MTMR7: variants seen among roughly 807,000 people sequenced by gnomAD.
The protein encoded by MTMR7 is myotubularin related protein 7.
Under a neutral mutation model 81.2 loss-of-function variants are expected in MTMR7, and 76 were observed. The observed-to-expected ratio is 0.94, with a 90% CI of 0.78 to 1.13. MTMR7 has a LOEUF of 1.13. MTMR7 is among the 50% of genes most tolerant of loss of function. The pLI, the probability that MTMR7 is intolerant of heterozygous loss-of-function variation, is 0.00. For missense variants in MTMR7, 1,044 were observed against 820.0 expected (o/e 1.27, Z -3.34); for synonymous variants, 372 against 289.8 (o/e 1.28, Z -2.88).
At chr8:17,363,433 A>T (rs533177443) in intron 3 of MTMR7, among the ~76,000 whole-genome samples, 1 of 152,334 alleles carries the variant, frequency 6.6e-6, no homozygotes, top group South Asian at 2.1e-4. Flanking sequence ...AAAACATCCT[A>T]TGACTACTGA....
intron 6 of MTMR7, among the ~76,000 whole-genome samples, chr8:17,338,359 A>T (rs533129189): frequency 2.0e-5 from 3 of 152,282 alleles, no homozygotes; most frequent in Non-Finnish European, 2.9e-5. Context: ...AACACAGTAC[A>T]TATCTGGATC....
At chr8:17,366,044 T>G (rs1820214605) in intron 3 of MTMR7, among the ~76,000 whole-genome samples, 1 of 152,200 alleles carries the variant, frequency 6.6e-6, no homozygotes, top group Admixed American at 6.5e-5. Context: ...CAGTCTCTAT[T>G]GCTCTCCTCG....
chr8:17,371,625 A>T (rs1349321932), intron 2 of MTMR7, among the ~76,000 whole-genome samples: 1 of 152,164 alleles, frequency 6.6e-6, no homozygotes, highest in Non-Finnish European at 1.5e-5. Context: ...TTCCACATGG[A>T]ATGTTCGAGT....
intron 3 of MTMR7, among the ~76,000 whole-genome samples, chr8:17,367,872 T>G (rs1000305801): frequency 1.2e-4 from 18 of 151,948 alleles, no homozygotes; most frequent in Admixed American, 3.3e-4. Flanking sequence ...TTTGGGGTTT[T>G]TTTTTTTTTT....
chr8:17,314,721 T>C (rs1817973345), intron 7 of MTMR7, among the ~76,000 whole-genome samples: 1 of 152,104 alleles, frequency 6.6e-6, no homozygotes, highest in Non-Finnish European at 1.5e-5. Flanking sequence ...GAAAAACATA[T>C]TATGAATATG....
At position 17,331,143 on chromosome 8, in the gene MTMR7, G is replaced by A; in HGVS notation, c.865+7C>T. On this transcript the variant is annotated splice_region_variant and intron_variant, in intron 7 of 13. Transcript: ENST00000180173. ...ATTTTAATGCTGTGCATAAGGAAAT[G>A]GTTTACCTTCCAGCATTTTCTGCAG... The A allele has an allele frequency of 1.2e-6, 2 of 1,609,234 alleles. No individual in the cohort carries two copies. Among genetic ancestry groups the A allele is most frequent in the Non-Finnish European group, 8.5e-7 (1 of 1,178,576 alleles).
intron 6 of MTMR7, among the ~76,000 whole-genome samples, chr8:17,332,818 A>G (rs762005764): frequency 6.6e-6 from 1 of 152,202 alleles, no homozygotes; most frequent in Non-Finnish European, 1.5e-5. Flanking sequence ...AAACCAACTT[A>G]TAGATATGTA....
At chr8:17,363,087 G>A (rs570665357) in intron 3 of MTMR7, among the ~76,000 whole-genome samples, 9 of 152,326 alleles carry the variant, frequency 5.9e-5, no homozygotes, top group South Asian at 2.1e-4. Context: ...ACATCCAGGC[G>A]TGCTCACACA....
rs1314773087 is a variant in MTMR7 at position 17,331,177 on chromosome 8, T to A, written c.838A>T (p.Arg280Trp). Residue 280 changes from arginine (R) to tryptophan (W), a missense_variant, in exon 7 of 14, where the codon AGG (arginine) becomes TGG (tryptophan). By Grantham distance (101) the Arg-to-Trp change is moderately radical (BLOSUM62 -3). Transcript: ENST00000180173. ...TCCAGCATTTTCTGCAGACTGTTCC[T>A]CATGACATGGATGTTCTCTATCCCG... ...FIGIENIHVM[R>W]NSLQKMLEVC... 6.2e-7 allele frequency: 1 copy of A among 1,612,530 alleles called. No individual in the cohort carries two copies. The highest frequency in any genetic ancestry group is 8.5e-7 in the Non-Finnish European group (1 of 1,179,570).
chr8:17,382,075 T>C (rs1020362342), intron 1 of MTMR7, among the ~76,000 whole-genome samples: 2 of 152,192 alleles, frequency 1.3e-5, no homozygotes, highest in African/African-American at 2.4e-5. Context: ...ATGCATACAA[T>C]AATGACTCAA....
chr8:17,327,655 A>G (rs1818758365), intron 7 of MTMR7, among the ~76,000 whole-genome samples: 1 of 151,994 alleles, frequency 6.6e-6, no homozygotes, highest in Non-Finnish European at 1.5e-5. Context: ...AAAAAAAACT[A>G]TCTCTAAACC....
chr8:17,412,980 A>T (rs1821776403), intron 1 of MTMR7, among the ~76,000 whole-genome samples: 1 of 152,222 alleles, frequency 6.6e-6, no homozygotes, highest in African/African-American at 2.4e-5. Flanking sequence ...ACACCCAGTT[A>T]CTAGCAGACA....
chr8:17,341,344 T>A lies in MTMR7; in HGVS notation c.732+19A>T. On this transcript the variant is annotated intron_variant, in intron 6 of 13. Transcript: ENST00000180173. The stretch of plus-strand genomic sequence containing the variant: ...CACAACTCAGGTGCAAAGACATGCA[T>A]CGCAACGGTGACACTTACTTTAGGC... 1.9e-6 allele frequency: 3 copies of A among 1,613,516 alleles called. No individual in the cohort carries two copies. Among genetic ancestry groups the A allele is most frequent in the Non-Finnish European group, 1.7e-6 (2 of 1,179,564 alleles).
At chr8:17,413,145 C>A in intron 1 of MTMR7, 124 bp downstream of exon 1, 2 of 1,144,840 alleles carry the variant, frequency 1.7e-6, no homozygotes, top group Admixed American at 2.0e-5. Flanking sequence ...CTGCTCCTCC[C>A]TCGCCCGCGG....
chr8:17,297,129 A>G lies in MTMR7; in HGVS notation c.*2733T>C, dbSNP rs751094339. ...CCACAGGAAAAATGAAATGCATGTG[A>G]AAGTTTGTATTCTGATTTTACAAGA... On this transcript the variant is annotated 3_prime_UTR_variant, in exon 14 of 14. Transcript: ENST00000180173. 1 of 152,186 alleles carries G rather than the reference A, an allele frequency of 6.6e-6. No individual in the cohort carries two copies. The highest frequency in any genetic ancestry group is 2.4e-5 in the African/African-American group (1 of 41,440). The allele number at this position is 152,186 out of a possible 1,614,324, so 9.4% of individuals were successfully genotyped here.
chr8:17,364,237 G>A (rs1003879620), intron 3 of MTMR7, among the ~76,000 whole-genome samples: 2 of 151,678 alleles, frequency 1.3e-5, no homozygotes, highest in Non-Finnish European at 2.9e-5. Flanking sequence ...TTTTCACTGT[G>A]TTAGCCAAGA....
At chr8:17,385,772 T>C (rs1820919414) in intron 1 of MTMR7, among the ~76,000 whole-genome samples, 1 of 152,140 alleles carries the variant, frequency 6.6e-6, no homozygotes, top group Non-Finnish European at 1.5e-5. Flanking sequence ...ATCTGCTCCC[T>C]CTTAACCTTC....
chr8:17,317,969 T>C (rs576119923), intron 7 of MTMR7, among the ~76,000 whole-genome samples: 1 of 152,244 alleles, frequency 6.6e-6, no homozygotes, highest in East Asian at 1.9e-4. Flanking sequence ...GGTAAGTTAT[T>C]ATATGTTGTG....
chr8:17,348,139 A>T (rs1400493517), intron 5 of MTMR7, among the ~76,000 whole-genome samples: 3 of 152,150 alleles, frequency 2.0e-5, no homozygotes, highest in African/African-American at 7.2e-5. Context: ...TTACAGACAA[A>T]CCCAATTCTG....
Sources: allele counts gnomAD v4.1 joint callset (sites outside exome capture counted in the v4.1 genomes callset), GRCh38; gene constraint gnomAD v4.1.1; transcripts MANE v1.5; gene names NCBI Gene and HGNC (gene_info 2026-07-23, HGNC 2026-07-21).